Variants in MATN2 observed in about 807,000 individuals in gnomAD.
The protein encoded by MATN2 is matrilin-2.
A neutral mutation model predicts 103.2 loss-of-function variants in MATN2; 69 were observed. That is an observed-to-expected ratio of 0.67 (90% CI 0.55 to 0.82). The LOEUF (loss-of-function observed/expected upper bound fraction) is 0.82, where lower values mean the gene tolerates loss of function less well. Ranked by LOEUF, MATN2 falls within the 40% of genes least tolerant of loss-of-function variation. MATN2 has a pLI of 0.00. For missense variants in MATN2, 1,023 were observed against 1,211.5 expected (o/e 0.84, Z 2.31); for synonymous variants, 429 against 450.2 (o/e 0.95, Z 0.60).
chr8:97,968,060 A>G (rs916061636), intron 5 of MATN2, among the ~76,000 whole-genome samples: 1 of 152,246 alleles, frequency 6.6e-6, no homozygotes, highest in Non-Finnish European at 1.5e-5. Flanking sequence ...ACTAAGGTTT[A>G]TGGTGGCTTG....
intron 7 of MATN2, among the ~76,000 whole-genome samples, chr8:97,997,208 T>C (rs1812614926): frequency 6.6e-6 from 1 of 152,226 alleles, no homozygotes; most frequent in Non-Finnish European, 1.5e-5. Context: ...TCTGGTACCA[T>C]GATGAGTGCT....
chr8:97,919,382 G>A (rs540100341), intron 2 of MATN2, among the ~76,000 whole-genome samples: 32 of 152,148 alleles, frequency 2.1e-4, no homozygotes, highest in African/African-American at 4.6e-4. Context: ...ACAGGTGCCC[G>A]CCACCAAGCC....
At chr8:97,961,144 T>C (rs1011226238) in intron 4 of MATN2, among the ~76,000 whole-genome samples, 1 of 152,154 alleles carries the variant, frequency 6.6e-6, no homozygotes, top group African/African-American at 2.4e-5. Context: ...ATGCAGAAAC[T>C]CACCTGGAAA....
In MATN2 at chr8:97,931,312, G is replaced by A. The variant is rs367650776; in HGVS notation, c.502G>A (p.Val168Met). 3.6e-5 allele frequency: 58 copies of A among 1,613,812 alleles called. No individual in the cohort carries two copies. The highest frequency in any genetic ancestry group is 5.3e-5 in the African/African-American group (4 of 74,924). Residue 168 changes from valine (V) to methionine (M), a missense_variant, in exon 3 of 19, where the codon GTG becomes ATG. Val to Met is a conservative substitution (Grantham distance 21). Transcript: ENST00000254898. The surrounding 1 kb of genome is among the most constrained non-coding windows in gnomAD (Gnocchi z 4.1). ...GAATGTGCCACGGGTCATAATGATC[G>A]TGACAGATGGGAGACCTCAGGACTC... The part of the protein sequence containing the change: ...RENVPRVIMI[V>M]TDGRPQDSVA...
chr8:97,950,535 T>A (rs1810912830), intron 4 of MATN2, among the ~76,000 whole-genome samples: 1 of 152,184 alleles, frequency 6.6e-6, no homozygotes, highest in African/African-American at 2.4e-5. Flanking sequence ...ATGGGGTATT[T>A]TTCTTACATA....
At chr8:97,956,988 C>T (rs1466489511) in intron 4 of MATN2, among the ~76,000 whole-genome samples, 4 of 152,130 alleles carry the variant, frequency 2.6e-5, no homozygotes, top group Non-Finnish European at 5.9e-5. Flanking sequence ...CTGTGCTAGA[C>T]TCTGGAGAGT....
At chr8:97,916,280 G>T (rs892172801) in intron 2 of MATN2, among the ~76,000 whole-genome samples, 1 of 152,122 alleles carries the variant, frequency 6.6e-6, no homozygotes, top group African/African-American at 2.4e-5. Context: ...ATGTTGGCCA[G>T]GCTGGTCTCG....
chr8:97,969,124 G>A (rs2444869), intron 5 of MATN2, among the ~76,000 whole-genome samples: 88,178 of 152,036 alleles, frequency 0.58, 26,438 homozygotes, highest in Middle Eastern at 0.7. Flanking sequence ...AGGTGGGGAG[G>A]TGCCACACTT....
intron 2 of MATN2, among the ~76,000 whole-genome samples, chr8:97,893,534 C>T (rs1333729954): frequency 6.6e-6 from 1 of 151,978 alleles, no homozygotes; most frequent in African/African-American, 2.4e-5. Context: ...AAACCTTAAC[C>T]CTCCTTGCCC....
intron 7 of MATN2, among the ~76,000 whole-genome samples, chr8:98,000,421 A>AC (rs1477340942): frequency 2.0e-5 from 3 of 151,216 alleles, no homozygotes; most frequent in Non-Finnish European, 4.4e-5. Context: ...ATATGGTGAA[A>AC]CCCCGTCTCT....
chr8:97,919,058 G>T (rs1484394497), intron 2 of MATN2, among the ~76,000 whole-genome samples: 2 of 152,144 alleles, frequency 1.3e-5, no homozygotes, highest in Non-Finnish European at 2.9e-5. Context: ...TATTTTCAAG[G>T]CCACTCCTGG....
At chr8:97,919,943 A>G (rs1809757525) in intron 2 of MATN2, among the ~76,000 whole-genome samples, 2 of 152,238 alleles carry the variant, frequency 1.3e-5, no homozygotes, top group African/African-American at 4.8e-5. Flanking sequence ...AGGTGACCAC[A>G]GGGCTGAGTC....
intron 5 of MATN2, among the ~76,000 whole-genome samples, chr8:97,971,171 G>A (rs144025987): frequency 4.6e-5 from 7 of 152,170 alleles, no homozygotes; most frequent in African/African-American, 1.7e-4. Flanking sequence ...GAGTCCTGAC[G>A]GTTTGGTTCT....
At chr8:97,994,416 C>T in intron 6 of MATN2, 64 bp from the exon 7 acceptor site, 1 of 1,536,688 alleles carries the variant, frequency 6.5e-7, no homozygotes. Flanking sequence ...CTGGAAATCC[C>T]TGGTTTTCCT....
chr8:97,975,097 G>C (rs770369206), intron 5 of MATN2, among the ~76,000 whole-genome samples: 4 of 152,216 alleles, frequency 2.6e-5, no homozygotes, highest in Non-Finnish European at 4.4e-5. Flanking sequence ...CACCAAGGCT[G>C]CTTTATCAGC....
At chr8:98,015,226 C>T (rs1813317388) in intron 10 of MATN2, among the ~76,000 whole-genome samples, 1 of 152,200 alleles carries the variant, frequency 6.6e-6, no homozygotes, top group Non-Finnish European at 1.5e-5. Context: ...GACCACTTCT[C>T]ACCAGCCTGG....
In MATN2 at chr8:97,982,288, A is replaced by C. The variant is rs1812053884; in HGVS notation, c.1081+3280A>C. On this transcript the variant is annotated intron_variant, in intron 6 of 18. Coordinates refer to ENST00000254898, the MANE Select transcript of MATN2 (RefSeq NM_002380.5). This position sits in a 1 kb window ranked among gnomAD's most constrained non-coding sequence, Gnocchi z 4.3. The stretch of plus-strand genomic sequence containing the variant: ...CTGTGGCAGGGACAAGAACTGAGAA[A>C]TAGAGACTAGTTAAAATTACAGAAA... 6.6e-6 allele frequency among the ~76,000 whole-genome samples: 1 copy of C among 152,230 alleles called. No homozygotes were observed. Among genetic ancestry groups the C allele is most frequent in the African/African-American group, 2.4e-5 (1 of 41,450 alleles).
At chr8:97,946,143 A>G (rs1810745606) in intron 4 of MATN2, among the ~76,000 whole-genome samples, 1 of 152,184 alleles carries the variant, frequency 6.6e-6, no homozygotes, top group Non-Finnish European at 1.5e-5. Context: ...TCTTCAGGGG[A>G]GAAACACATC....
intron 2 of MATN2, among the ~76,000 whole-genome samples, chr8:97,926,794 A>G (rs75500029): frequency 0.13 from 19,184 of 152,166 alleles, 1,511 homozygotes; most frequent in Non-Finnish European, 0.17. Context: ...TTTTGTACTA[A>G]CTGCTCTGAT....
Sources: gnomAD v4.1 joint callset for allele counts (sites outside exome capture counted in the v4.1 genomes callset) on GRCh38, gnomAD v4.1.1 for gene constraint, Gnocchi (gnomAD v3.1) non-coding constraint, MANE v1.5 for transcripts, NCBI Gene and HGNC (gene_info 2026-07-23, HGNC 2026-07-21) for gene names.